The following NNT variants were observed in gnomAD, a reference collection of about 807,000 sequenced individuals.
NNT encodes the protein NAD(P) transhydrogenase, mitochondrial.
NNT carries 50 observed loss-of-function variants against 104.8 expected under a neutral mutation model. The observed-to-expected ratio is 0.48, with a 90% confidence interval of 0.38 to 0.60. The LOEUF is 0.60. Ranked by LOEUF, NNT falls within the 20% of genes least tolerant of loss-of-function variation. The pLI, the probability that NNT is intolerant of heterozygous loss-of-function variation, is 0.00. For missense variants in NNT, 1,131 were observed against 1,330.7 expected (o/e 0.85, Z 2.33); for synonymous variants, 461 against 490.4 (o/e 0.94, Z 0.79).
chr5:43,611,899 A>G (rs1221340443), intron 2 of NNT, among the ~76,000 whole-genome samples: 1 of 152,206 alleles, frequency 6.6e-6, no homozygotes, highest in South Asian at 2.1e-4. Flanking sequence ...ATATCTAAAT[A>G]TAAGATTGTA....
At chr5:43,670,822 A>C (rs1264065413) in intron 17 of NNT, among the ~76,000 whole-genome samples, 1 of 152,156 alleles carries the variant, frequency 6.6e-6, no homozygotes, top group Non-Finnish European at 1.5e-5. Context: ...AGTCGCGTTA[A>C]ACTCCTGGAT....
Position 43,677,813 on chromosome 5 carries a change from G to C in NNT, c.2876+7G>C. The C allele has an allele frequency of 6.2e-7, 1 of 1,607,230 alleles. No homozygotes were observed. The highest frequency in any genetic ancestry group is 8.5e-7 in the Non-Finnish European group (1 of 1,173,856). On this transcript the variant is annotated splice_region_variant and intron_variant, in intron 19 of 21. Coordinates refer to ENST00000344920, the MANE Select transcript of NNT (RefSeq NM_182977.3). ...AGCAAGGCAAAAAAGTCAGGTAAGC[G>C]TTTGCAGTGGAGAGGCTTGCACTAT...
At chr5:43,672,592 G>A (rs1561311030) in intron 17 of NNT, among the ~76,000 whole-genome samples, 2 of 152,208 alleles carry the variant, frequency 1.3e-5, no homozygotes, top group Admixed American at 6.5e-5. Context: ...GGAGGCTGCA[G>A]AACCGCGAAT....
intron 14 of NNT, chr5:43,653,696 T>G (rs553547648): frequency 6.5e-6 from 1 of 152,712 alleles, no homozygotes; most frequent in East Asian, 1.9e-4. Flanking sequence ...TGGCTCAGAC[T>G]GTAATCCCAG....
Position 43,615,964 on chromosome 5 carries a change from A to G in NNT, c.498A>G (p.Lys166=). 1.2e-6 allele frequency: 2 copies of G among 1,614,178 alleles called. No individual in the cohort carries two copies. The change falls in exon 4 of 22, where the codon AAA becomes AAG. Residue 166 remains lysine (K), a synonymous_variant. Transcript: ENST00000344920. ...CCCAAAATCCAGAGTTGCTAAATAA[A>G]CTTTCCCAAAGAAAAACTACAGTTC... ...YPAQNPELLN[K]LSQRKTTVLA... is the part of the protein sequence containing the mutation.
In NNT at chr5:43,700,153, G is replaced by A; in HGVS notation, c.2911G>A (p.Gly971Ser). The change falls in exon 20 of 22, where the codon GGT (glycine) becomes AGT (serine). Residue 971 changes from glycine (G) to serine (S), a missense_variant. Gly to Ser is a moderately conservative substitution (Grantham distance 56). Coordinates refer to ENST00000344920, the MANE Select transcript of NNT (RefSeq NM_182977.3). The part of the protein sequence containing the change: ...GIHPVAGRMP[G>S]QLNVLLAEAG... Reference sequence around the variant, plus strand: ...TCACCCAGTTGCAGGCCGAATGCCTGGTCAGCTTAATGTGCTGCTGGCTGA... The same window carrying A: ...TCACCCAGTTGCAGGCCGAATGCCTAGTCAGCTTAATGTGCTGCTGGCTGA... 6.2e-7 allele frequency: 1 copy of A among 1,612,992 alleles called. No individual in the cohort carries two copies. The highest frequency in any genetic ancestry group is 1.7e-4 in the Middle Eastern group (1 of 6,052).
At chr5:43,625,919 G>A (rs1218291245) in intron 6 of NNT, among the ~76,000 whole-genome samples, 1 of 151,928 alleles carries the variant, frequency 6.6e-6, no homozygotes, top group Admixed American at 6.6e-5. Context: ...TAATTTTACT[G>A]TTCCATTTAT....
intron 18 of NNT, among the ~76,000 whole-genome samples, chr5:43,676,795 G>T (rs1337930976): frequency 6.6e-6 from 1 of 152,198 alleles, no homozygotes; most frequent in Non-Finnish European, 1.5e-5. Context: ...ACTGAACTAT[G>T]TAGACAGTTT....
At position 43,627,111 on chromosome 5, in the gene NNT, T is replaced by G. The variant is rs113433605; in HGVS notation, c.777-1089T>G. ...CTCCTCCGTGCTATCAAGGACCAGT[T>G]TCTGTCACTCCTCTCTGCTGTCCTT... On this transcript the variant is annotated intron_variant, in intron 6 of 21. Coordinates refer to ENST00000344920, the MANE Select transcript of NNT (RefSeq NM_182977.3). Among the ~76,000 whole-genome samples, 199 of 152,268 alleles carry G rather than the reference T, an allele frequency of 1.3e-3. 1 individual carries two copies. Among genetic ancestry groups the G allele is most frequent in the African/African-American group, 4.5e-3 (185 of 41,556 alleles).
intron 6 of NNT, among the ~76,000 whole-genome samples, chr5:43,625,078 A>G (rs1750292366): frequency 6.6e-6 from 1 of 152,176 alleles, no homozygotes; most frequent in Non-Finnish European, 1.5e-5. Context: ...CAAACCAAGG[A>G]TAGCTAGAGT....
At chr5:43,694,470 G>A (rs1313871957) in intron 19 of NNT, among the ~76,000 whole-genome samples, 1 of 152,136 alleles carries the variant, frequency 6.6e-6, no homozygotes, top group Non-Finnish European at 1.5e-5. Context: ...ACCTAGTTTA[G>A]TGAGAGTTTT....
At chr5:43,618,043 A>T (rs1204885464) in intron 4 of NNT, among the ~76,000 whole-genome samples, 1 of 152,228 alleles carries the variant, frequency 6.6e-6, no homozygotes, top group Non-Finnish European at 1.5e-5. Flanking sequence ...ACCAAGTAAG[A>T]ATGCAAAAGT....
intron 19 of NNT, among the ~76,000 whole-genome samples, chr5:43,681,215 G>A (rs932662242): frequency 6.9e-5 from 10 of 144,478 alleles, no homozygotes; most frequent in Admixed American, 1.4e-4. Context: ...AGCCAAGATC[G>A]TGCCATTGCA....
rs1269217882 is a variant in NNT at position 43,656,060 on chromosome 5, T to C, written c.2280T>C (p.Tyr760=). The C allele has an allele frequency of 1.2e-6, 2 of 1,613,702 alleles. No homozygotes were observed. The highest frequency in any genetic ancestry group is 1.7e-4 in the Middle Eastern group (1 of 6,060). The change falls in exon 15 of 22, where the codon TAT becomes TAC. Residue 760 remains tyrosine (Y), a synonymous_variant. Coordinates refer to ENST00000344920, the MANE Select transcript of NNT (RefSeq NM_182977.3). ...CCTTTAGTGGGTCTCTCATTGCCTA[T>C]GGAAAATTGCAGGGTAAGTGATTCA... The part of the protein sequence containing the change: ...GVTFSGSLIA[Y]GKLQGLLKSA...
At chr5:43,675,739 T>TAA in intron 18 of NNT, 69 bp downstream of exon 18, 1 of 1,182,936 alleles carries the variant, frequency 8.5e-7, no homozygotes, top group South Asian at 2.7e-5. Context: ...AAATTTCTTA[T>TAA]AATAGGAAAG....
chr5:43,607,045 G>T (rs1482341934), intron 1 of NNT, among the ~76,000 whole-genome samples: 1 of 151,620 alleles, frequency 6.6e-6, no homozygotes, highest in African/African-American at 2.4e-5. Context: ...TGGCAGGCTG[G>T]CAGGCTGGAG....
intron 19 of NNT, among the ~76,000 whole-genome samples, chr5:43,693,312 A>C (rs756305138): frequency 2.0e-4 from 31 of 152,180 alleles, no homozygotes; most frequent in Non-Finnish European, 3.8e-4. Context: ...TTTAATTTTC[A>C]TGCTTAAACC....
Position 43,619,083 on chromosome 5 carries a change from T to G in NNT, c.651T>G (p.Gly217=). The change falls in exon 5 of 22, where the codon GGT becomes GGG. Residue 217 remains glycine, a synonymous_variant. Transcript: ENST00000344920. The part of the protein sequence containing the change: ...AANHFGRFFT[G]QITAAGKVPP... ...ATCATTTTGGACGTTTTTTTACTGG[T>G]CAGATCACAGCTGCTGGAAAAGTTC... The G allele has an allele frequency of 1.3e-6, 2 of 1,558,482 alleles. No homozygotes were observed. Among genetic ancestry groups the G allele is most frequent in the Middle Eastern group, 1.7e-4 (1 of 5,796 alleles).
At chr5:43,604,427 T>A (rs537980886) in intron 1 of NNT, among the ~76,000 whole-genome samples, 4 of 152,362 alleles carry the variant, frequency 2.6e-5, no homozygotes, top group African/African-American at 9.6e-5. Flanking sequence ...CTTAGGCTGC[T>A]TACCTTGGTG....
Sources: allele counts gnomAD v4.1 joint callset (sites outside exome capture counted in the v4.1 genomes callset), GRCh38; gene constraint gnomAD v4.1.1; transcripts MANE v1.5; gene names NCBI Gene and HGNC (gene_info 2026-07-23, HGNC 2026-07-21).